The following CKMT1B variants were observed in gnomAD, a reference collection of about 807,000 sequenced individuals.
CKMT1B encodes the protein creatine kinase U-type, mitochondrial.
Under a neutral mutation model 21.8 loss-of-function variants are expected in CKMT1B, and 13 were observed. The ratio of observed to expected loss-of-function variants is 0.60; its 90% CI spans 0.39 to 0.95. CKMT1B has a LOEUF of 0.95. Among genes scored for constraint, CKMT1B ranks in the 40% least tolerant of loss-of-function variants. The pLI is 0.00. For missense variants in CKMT1B, 157 were observed against 227.5 expected, an observed-to-expected ratio of 0.69 and a Z score of 1.99; for synonymous variants, 50 against 80.3, an observed-to-expected ratio of 0.62 and a Z score of 2.02.
At chr15:43,597,781 T>G in intron 6 of CKMT1B, 1 of 1,019,852 alleles carries the variant, frequency 9.8e-7, no homozygotes, top group Non-Finnish European at 1.2e-6. Flanking sequence ...CTGGCAAAGC[T>G]TACACCTTCA....
At position 43,599,064 on chromosome 15, in the gene CKMT1B, G is replaced by C. The variant is rs985826335; in HGVS notation, c.1138-93G>C. 79 of 1,578,688 alleles carry C rather than the reference G, an allele frequency of 5.0e-5. 1 individual carries two copies. In the Admixed American group the frequency reaches 1.4e-3, roughly 27 times the overall value. ...TAATCTGAAATGAAATTCAGGTTGA[G>C]TGGGGAGGCAATTGGAAATGAGCAG... On this transcript the variant is annotated intron_variant, in intron 8 of 8. Transcript: ENST00000441322.
rs1465742286 is a variant in CKMT1B, at chr15:43,596,145, G to A, written c.667-62G>A. ...GAAGGCTGGGCCAGATGAGACATGG[G>A]CTCTGAAAGGCCCAGGGGCCACCAT... On this transcript the variant is annotated intron_variant, in intron 4 of 8. Coordinates refer to ENST00000441322, the MANE Select transcript of CKMT1B (RefSeq NM_001375484.1). 6.3e-4 allele frequency: 230 copies of A among 365,864 alleles called. 1 individual carries two copies. Among genetic ancestry groups the A allele is most frequent in the Non-Finnish European group, 7.1e-4 (156 of 221,010 alleles). 22.7% of individuals were successfully genotyped at this position (365,864 alleles called of 1,614,324 possible). A position where few individuals can be genotyped will look rare whatever the true frequency, so the allele number is the denominator to read the frequency against.
At chr15:43,598,508 C>T (rs565117058) in intron 7 of CKMT1B, among the ~76,000 whole-genome samples, 181 bp downstream of exon 7, 7 of 148,718 alleles carry the variant, frequency 4.7e-5, no homozygotes, top group South Asian at 2.1e-4. Flanking sequence ...AGGCAGATTA[C>T]TTGAGCCCAG....
rs1276376503 is a variant in CKMT1B at position 43,599,137 on chromosome 15, C to G, written c.1138-20C>G. The G allele has an allele frequency of 1.9e-6, 3 of 1,613,422 alleles. No individual in the cohort carries two copies. The highest frequency in any genetic ancestry group is 2.2e-5 in the East Asian group (1 of 44,886). ...AAAACTCAGACTGTAGGAAGCAGATCAAAGATTAGTGTCCCTTAGGTGGAG... is the reference window on the plus strand; with the variant it reads ...AAAACTCAGACTGTAGGAAGCAGATGAAAGATTAGTGTCCCTTAGGTGGAG... On this transcript the variant is annotated intron_variant, in intron 8 of 8. Transcript: ENST00000441322.
chr15:43,596,356 C>G (rs371987094), intron 5 of CKMT1B, 52 bp from the exon 6 acceptor site: 3 of 1,422,878 alleles, frequency 2.1e-6, no homozygotes, highest in Admixed American at 4.2e-5. Context: ...TTCCCTCTAT[C>G]TCTCCCAATT....
intron 6 of CKMT1B, chr15:43,597,650 C>G: frequency 5.6e-6 from 5 of 899,262 alleles, no homozygotes; most frequent in Non-Finnish European, 5.6e-6. Context: ...TTAAGTGAAG[C>G]CAAACGCCTT....
In CKMT1B at chr15:43,595,887, T is replaced by C; in HGVS notation, c.476T>C (p.Val159Ala). 3.4e-5 allele frequency: 3 copies of C among 88,254 alleles called. No homozygotes were observed. The highest frequency in any genetic ancestry group is 5.5e-5 in the Non-Finnish European group (3 of 54,938). 5.5% of individuals were successfully genotyped at this position (88,254 alleles called of 1,614,324 possible). A position where few individuals can be genotyped will look rare whatever the true frequency, so the allele number is the denominator to read the frequency against. The stretch of plus-strand genomic sequence containing the variant: ...TCTGGCTACTTTGATGAGAGGTATG[T>C]ATTGTCCTCTAGAGTCAGAACTGGC... ...IRSGYFDERYVLSSRVRTGRS... is the reference protein window; with the variant it reads ...IRSGYFDERYALSSRVRTGRS... The change falls in exon 4 of 9, where the codon GTA (valine) becomes GCA (alanine). Residue 159 changes from valine (V) to alanine (A), a missense_variant. By Grantham distance (64) the Val-to-Ala change is moderately conservative. Transcript: ENST00000441322.
chr15:43,596,709 C>G (rs183186835), intron 6 of CKMT1B, 178 bp downstream of exon 6: 3 of 938,664 alleles, frequency 3.2e-6, no homozygotes, highest in Non-Finnish European at 4.7e-6. Context: ...CTGGGAAAAC[C>G]AGGACATGTG....
intron 6 of CKMT1B, chr15:43,597,923 C>T (rs937766803): frequency 2.2e-6 from 3 of 1,348,924 alleles, no homozygotes; most frequent in Non-Finnish European, 2.8e-6. Context: ...TTCCCTAGAT[C>T]ATCCTTAATA....
At chr15:43,599,028 G>A (rs1325321182) in intron 8 of CKMT1B, 76 bp downstream of exon 8, 45 of 1,598,162 alleles carry the variant, frequency 2.8e-5, no homozygotes, top group Middle Eastern at 1.7e-4. Flanking sequence ...GTGAGCCTCC[G>A]GGATGTAAGA....
At position 43,599,334 on chromosome 15, in the gene CKMT1B, C is replaced by G. The variant is rs1233781019; in HGVS notation, c.*61C>G. 6.2e-7 allele frequency: 1 copy of G among 1,612,840 alleles called. No individual in the cohort carries two copies. Among genetic ancestry groups the G allele is most frequent in the African/African-American group, 1.3e-5 (1 of 74,860 alleles). ...GAGTTCTGCTCATTCTAATGATGGC[C>G]CATTCTACTTGCTCTGGACCTGCCC... On this transcript the variant is annotated 3_prime_UTR_variant, in exon 9 of 9. Transcript: ENST00000441322.
chr15:43,598,006 T>G, intron 6 of CKMT1B, 187 bp from the exon 7 acceptor site: 2 of 1,392,398 alleles, frequency 1.4e-6, no homozygotes, highest in Non-Finnish European at 1.9e-6. Context: ...ACATCATAAT[T>G]TTGCATCATG....
At chr15:43,599,067 G>A in intron 8 of CKMT1B, 90 bp from the exon 9 acceptor site, 1 of 1,579,582 alleles carries the variant, frequency 6.3e-7, no homozygotes, top group Non-Finnish European at 8.6e-7. Context: ...AGGTTGAGTG[G>A]GGAGGCAATT....
At position 43,599,027 on chromosome 15, in the gene CKMT1B, C is replaced by T. The variant is rs920206542; in HGVS notation, c.1137+75C>T. On this transcript the variant is annotated intron_variant, in intron 8 of 8. Transcript: ENST00000441322. ...CGAAATATGGCAGTGAGTGAGCCTC[C>T]GGGATGTAAGATAATCTGAAATGAA... The T allele has an allele frequency of 1.6e-5, 25 of 1,597,894 alleles. No individual in the cohort carries two copies. In the African/African-American group the frequency reaches 1.8e-4, roughly 11 times the overall value.
chr15:43,596,778 G>T (rs10518820), intron 6 of CKMT1B, among the ~76,000 whole-genome samples: 24,432 of 149,438 alleles, frequency 0.16, 4,049 homozygotes, highest in East Asian at 0.32. Context: ...GAACAAGGCT[G>T]TTGACAGAGA....
chr15:43,596,696 A>G, intron 6 of CKMT1B, 165 bp downstream of exon 6: 1 of 1,079,456 alleles, frequency 9.3e-7, no homozygotes, highest in Non-Finnish European at 1.3e-6. Flanking sequence ...AGCTGGGACC[A>G]TACTGGGAAA....
intron 6 of CKMT1B, 98 bp downstream of exon 6, chr15:43,596,629 A>T: frequency 1.9e-6 from 3 of 1,577,950 alleles, no homozygotes; most frequent in Non-Finnish European, 2.6e-6. Context: ...AACCCAGGAC[A>T]TGTCTTATAG....
At chr15:43,597,791 A>G (rs576602344) in intron 6 of CKMT1B, 1 of 1,036,656 alleles carries the variant, frequency 9.6e-7, no homozygotes, top group African/African-American at 1.8e-5. Context: ...TTACACCTTC[A>G]TCTTCTGTCT....
chr15:43,598,202 C>G lies in CKMT1B; in HGVS notation c.886C>G (p.Leu296Val). Residue 296 changes from leucine (L) to valine (V), a missense_variant, in exon 7 of 9, where the codon CTT becomes GTT. Physicochemically the swap from Leu to Val is conservative, Grantham distance 32. Coordinates refer to ENST00000441322, the MANE Select transcript of CKMT1B (RefSeq NM_001375484.1). ...ACCTTTGTGGACTCAGGTGGAGAGACTTATCCAAGAACGTGGCTGGGAGTT... is the reference window on the plus strand; with the variant it reads ...ACCTTTGTGGACTCAGGTGGAGAGAGTTATCCAAGAACGTGGCTGGGAGTT... ...FCRGLKEVER[L>V]IQERGWEFMW... 1 of 1,608,494 alleles carries G rather than the reference C, an allele frequency of 6.2e-7. No homozygotes were observed. Among genetic ancestry groups the G allele is most frequent in the South Asian group, 1.1e-5 (1 of 90,906 alleles).
Sources: gnomAD v4.1 joint callset for allele counts (sites outside exome capture counted in the v4.1 genomes callset) on GRCh38, gnomAD v4.1.1 for gene constraint, MANE v1.5 for transcripts, NCBI Gene and HGNC (gene_info 2026-07-23, HGNC 2026-07-21) for gene names.